Variants in DTWD2 observed in about 807,000 individuals in gnomAD.
DTWD2 encodes the protein DTW motif tRNA-uridine aminocarboxypropyltransferase 2, also known as tRNA-uridine aminocarboxypropyltransferase 2.
DTWD2 carries 39 observed loss-of-function variants against 31.8 expected under a neutral mutation model. The ratio of observed to expected loss-of-function variants is 1.22; its 90% CI spans 0.95 to 1.60. DTWD2 has a LOEUF of 1.60. DTWD2 is among the 40% of genes most tolerant of loss of function. The pLI is 0.00. For missense variants in DTWD2, 515 were observed against 381.5 expected (o/e 1.35, Z -2.92); for synonymous variants, 180 against 142.8 (o/e 1.26, Z -1.86).
intron 5 of DTWD2, among the ~76,000 whole-genome samples, chr5:118,845,130 G>C (rs1055796442): frequency 1.5e-4 from 23 of 151,978 alleles, no homozygotes; most frequent in Non-Finnish European, 2.9e-4. Flanking sequence ...CTGGGTGACA[G>C]AGCAAGACTC....
intron 4 of DTWD2, among the ~76,000 whole-genome samples, chr5:118,858,518 AT>A (rs1157725178): frequency 1.3e-5 from 2 of 152,202 alleles, no homozygotes; most frequent in African/African-American, 4.8e-5. Flanking sequence ...AAAACTTTGT[AT>A]TACTGAACTT....
rs147853660 is a variant in DTWD2 at position 118,850,151 on chromosome 5, A to G, written c.598-1933T>C. 4.3e-3 allele frequency among the ~76,000 whole-genome samples: 647 copies of G among 151,958 alleles called. 8 individuals are homozygous for G. The highest frequency in any genetic ancestry group is 0.029 in the East Asian group (152 of 5,178). ...CCAAAGAATGAAACTGGATCTCTAC[A>G]TATCACCATACACAAAAATTAATTC... On this transcript the variant is annotated intron_variant, in intron 4 of 5. Transcript: ENST00000510708.
At chr5:118,960,532 A>T (rs1015348742) in intron 1 of DTWD2, among the ~76,000 whole-genome samples, 5 of 152,216 alleles carry the variant, frequency 3.3e-5, no homozygotes, top group African/African-American at 4.8e-5. Context: ...TTTCTCAAAG[A>T]ACTTAAAACA....
chr5:118,929,747 G>C (rs1753882668), intron 3 of DTWD2, among the ~76,000 whole-genome samples: 1 of 152,176 alleles, frequency 6.6e-6, no homozygotes, highest in African/African-American at 2.4e-5. Context: ...AACAGCAGTA[G>C]CCTTGAAAAG....
chr5:118,870,859 T>G (rs1336939667), intron 4 of DTWD2, among the ~76,000 whole-genome samples: 4 of 151,640 alleles, frequency 2.6e-5, no homozygotes, highest in African/African-American at 9.7e-5. Context: ...CACAGTAAAC[T>G]TTTTTCAAAA....
At chr5:118,865,553 C>A (rs1752363386) in intron 4 of DTWD2, among the ~76,000 whole-genome samples, 1 of 152,114 alleles carries the variant, frequency 6.6e-6, no homozygotes, top group Non-Finnish European at 1.5e-5. Context: ...GCCATGTTTT[C>A]TCAAACTTCC....
intron 5 of DTWD2, among the ~76,000 whole-genome samples, chr5:118,843,250 C>T (rs755991570): frequency 3.3e-5 from 5 of 150,652 alleles, no homozygotes; most frequent in South Asian, 2.1e-4. Flanking sequence ...CCACCGCATC[C>T]GGCCCAGAAT....
intron 1 of DTWD2, among the ~76,000 whole-genome samples, chr5:118,985,490 T>A (rs868358867): frequency 0.062 from 5,875 of 95,322 alleles, 441 homozygotes; most frequent in African/African-American, 0.19. Flanking sequence ...ATGTGCATTT[T>A]TATATATATA....
chr5:118,866,089 A>C (rs1752376102), intron 4 of DTWD2, among the ~76,000 whole-genome samples: 1 of 152,034 alleles, frequency 6.6e-6, no homozygotes. Context: ...AAAATGCCTT[A>C]ACTTATTCCA....
At chr5:118,841,167 G>A (rs1751705510) in intron 5 of DTWD2, 80 bp from the exon 6 acceptor site, 2 of 1,473,654 alleles carry the variant, frequency 1.4e-6, no homozygotes, top group Non-Finnish European at 1.8e-6. Context: ...TCAGAAATAG[G>A]AGTTACTATG....
At chr5:118,917,270 A>C (rs1306500807) in intron 4 of DTWD2, among the ~76,000 whole-genome samples, 1 of 152,212 alleles carries the variant, frequency 6.6e-6, no homozygotes, top group African/African-American at 2.4e-5. Context: ...AATAAGAAGG[A>C]CATTTTACAA....
intron 1 of DTWD2, among the ~76,000 whole-genome samples, chr5:118,981,601 C>T (rs1755302305): frequency 6.6e-6 from 1 of 152,202 alleles, no homozygotes; most frequent in Middle Eastern, 3.4e-3. Flanking sequence ...TACTCTGTCA[C>T]CCAGGCAAGA....
rs537332140 is a variant in DTWD2, at chr5:118,910,523, T to G, written c.597+18014A>C. Among the ~76,000 whole-genome samples the G allele has an allele frequency of 7.2e-4, 109 of 152,338 alleles. 1 individual carries two copies. Among genetic ancestry groups the G allele is most frequent in the Middle Eastern group, 3.4e-3 (1 of 294 alleles). On this transcript the variant is annotated intron_variant, in intron 4 of 5. Transcript: ENST00000510708. Reference sequence around the variant, plus strand: ...TCTCTAAGAAAACTGGGGCTTTCTCTGCAGTTATCTTCTTCTGAGGCCTCA... The same window carrying G: ...TCTCTAAGAAAACTGGGGCTTTCTCGGCAGTTATCTTCTTCTGAGGCCTCA...
At chr5:118,863,651 A>G (rs777985860) in intron 4 of DTWD2, among the ~76,000 whole-genome samples, 3 of 152,208 alleles carry the variant, frequency 2.0e-5, no homozygotes, top group Admixed American at 6.5e-5. Context: ...TCATTGTATT[A>G]TAGCATTTTT....
chr5:118,924,234 G>T (rs1250706389), intron 4 of DTWD2, among the ~76,000 whole-genome samples: 2 of 152,166 alleles, frequency 1.3e-5, no homozygotes, highest in Non-Finnish European at 2.9e-5. Context: ...CTAGCAGGAG[G>T]ATATTAATCT....
intron 1 of DTWD2, among the ~76,000 whole-genome samples, chr5:118,966,359 T>C (rs573417464): frequency 3.3e-5 from 5 of 152,356 alleles, no homozygotes; most frequent in African/African-American, 7.2e-5. Flanking sequence ...AATTTCTGTA[T>C]GTTTCATTTA....
intron 4 of DTWD2, among the ~76,000 whole-genome samples, chr5:118,872,792 C>T (rs1056252191): frequency 2.0e-5 from 3 of 152,168 alleles, no homozygotes; most frequent in Admixed American, 1.3e-4. Flanking sequence ...CAGATTTACA[C>T]GAAGCAGAGT....
At chr5:118,873,482 G>A (rs2149550690) in intron 4 of DTWD2, among the ~76,000 whole-genome samples, 1 of 152,310 alleles carries the variant, frequency 6.6e-6, no homozygotes, top group Admixed American at 6.5e-5. Flanking sequence ...GGCTCCTACA[G>A]CCATACATCA....
chr5:118,875,682 G>A (rs919771535), intron 4 of DTWD2, among the ~76,000 whole-genome samples: 1 of 150,672 alleles, frequency 6.6e-6, no homozygotes, highest in East Asian at 2.0e-4. Flanking sequence ...AAATATGTAT[G>A]TGCCCAACAC....
Sources: allele counts gnomAD v4.1 joint callset (sites outside exome capture counted in the v4.1 genomes callset), GRCh38; gene constraint gnomAD v4.1.1; transcripts MANE v1.5; gene names NCBI Gene and HGNC (gene_info 2026-07-23, HGNC 2026-07-21).